MAN2B1: variants seen among roughly 807,000 people sequenced by gnomAD.
MAN2B1 encodes lysosomal alpha-mannosidase.
MAN2B1 carries 99 observed loss-of-function variants against 127.5 expected under a neutral mutation model. That is an observed-to-expected ratio of 0.78 (90% CI 0.66 to 0.92). The LOEUF (loss-of-function observed/expected upper bound fraction) is 0.92, where lower values mean the gene tolerates loss of function less well. Among genes scored for constraint, MAN2B1 ranks in the 40% least tolerant of loss-of-function variants. The pLI, the probability that MAN2B1 is intolerant of heterozygous loss-of-function variation, is 0.00. For synonymous variants in MAN2B1, 573 were observed against 568.8 expected (o/e 1.01, Z -0.11); for missense variants, 1,304 against 1,384.8 (o/e 0.94, Z 0.93).
At chr19:12,649,244 G>A in intron 19 of MAN2B1, 28 bp from the exon 20 acceptor site, 1 of 1,610,252 alleles carries the variant, frequency 6.2e-7, no homozygotes. Context: ...AAAGTAGAGG[G>A]CAGTCAACCC....
chr19:12,651,463 C>T (rs2023840025), intron 16 of MAN2B1, among the ~76,000 whole-genome samples: 1 of 152,138 alleles, frequency 6.6e-6, no homozygotes, highest in Admixed American at 6.6e-5. Context: ...GGAACCACCC[C>T]ACTTTCTCTG....
At chr19:12,662,724 G>A (rs889530978) in intron 6 of MAN2B1, among the ~76,000 whole-genome samples, 1 of 152,044 alleles carries the variant, frequency 6.6e-6, no homozygotes, top group African/African-American at 2.4e-5. Flanking sequence ...GAGGCGGGCA[G>A]ATCACCTGAG....
At chr19:12,665,571 G>A (rs1402417013) in intron 2 of MAN2B1, 46 bp from the exon 3 acceptor site, 2 of 1,610,074 alleles carry the variant, frequency 1.2e-6, no homozygotes, top group South Asian at 1.1e-5. Context: ...CAGAGCCAAG[G>A]GGGTTATTCC....
Sources: allele counts gnomAD v4.1 joint callset (sites outside exome capture counted in the v4.1 genomes callset), GRCh38; gene constraint gnomAD v4.1.1; transcripts MANE v1.5; gene names NCBI Gene and HGNC (gene_info 2026-07-23, HGNC 2026-07-21).